Variants in ARHGAP19 observed in about 807,000 individuals in gnomAD.
ARHGAP19 encodes the protein Rho GTPase activating protein 19.
Under a neutral mutation model 60.9 loss-of-function variants are expected in ARHGAP19, and 48 were observed. The observed-to-expected ratio is 0.79, with a 90% confidence interval of 0.62 to 1.00. ARHGAP19 has a LOEUF of 1.00. Among genes scored for constraint, ARHGAP19 ranks in the 50% least tolerant of loss-of-function variants. ARHGAP19 has a pLI of 0.00. For missense variants in ARHGAP19, 562 were observed against 597.2 expected, an observed-to-expected ratio of 0.94 and a Z score of 0.61; for synonymous variants, 209 against 215.5, an observed-to-expected ratio of 0.97 and a Z score of 0.27.
At chr10:97,237,857 C>T (rs1203547557) in intron 8 of ARHGAP19, among the ~76,000 whole-genome samples, 3 of 151,340 alleles carry the variant, frequency 2.0e-5, no homozygotes, top group Admixed American at 6.6e-5. Flanking sequence ...GGCGAAAGAG[C>T]GAGACTCTAT....
chr10:97,242,045 A>T (rs1219977137), intron 8 of ARHGAP19, among the ~76,000 whole-genome samples: 3 of 148,784 alleles, frequency 2.0e-5, no homozygotes, highest in African/African-American at 4.9e-5. Context: ...AATAATTAAT[A>T]AATAAATAAA....
chr10:97,233,264 C>T (rs1292857236), intron 9 of ARHGAP19, among the ~76,000 whole-genome samples: 4 of 151,462 alleles, frequency 2.6e-5, no homozygotes, highest in Admixed American at 2.0e-4. Context: ...GTAGGAGGAT[C>T]GCTGAGCGCC....
At chr10:97,229,451 C>T (rs1291571126) in intron 10 of ARHGAP19, among the ~76,000 whole-genome samples, 1 of 152,068 alleles carries the variant, frequency 6.6e-6, no homozygotes, top group African/African-American at 2.4e-5. Context: ...GCCTAGGAGG[C>T]CTGGCTCAAA....
At chr10:97,270,797 C>G (rs793519) in intron 1 of ARHGAP19, 169,893 of 685,988 alleles carry the variant, frequency 0.25, 23,275 homozygotes, top group Non-Finnish European at 0.28. Context: ...TCTGAGCACT[C>G]ATCTGCAAGA....
chr10:97,238,944 T>C (rs1287988897), intron 8 of ARHGAP19, among the ~76,000 whole-genome samples: 7 of 152,220 alleles, frequency 4.6e-5, no homozygotes, highest in African/African-American at 7.2e-5. Context: ...TACTGTATTT[T>C]TACTGTACCT....
intron 1 of ARHGAP19, 112 bp from the exon 2 acceptor site, chr10:97,266,237 G>A: frequency 7.7e-7 from 1 of 1,295,976 alleles, no homozygotes; most frequent in South Asian, 1.4e-5. Context: ...TTTCCTTATA[G>A]TCAGCTTCCT....
intron 10 of ARHGAP19, 60 bp downstream of exon 10, chr10:97,229,704 T>C: frequency 1.6e-6 from 2 of 1,282,620 alleles, no homozygotes; most frequent in Non-Finnish European, 1.1e-6. Context: ...AGTATATCAA[T>C]TTTCCTCTTT....
intron 6 of ARHGAP19, among the ~76,000 whole-genome samples, chr10:97,252,728 T>G (rs1842702829): frequency 6.6e-6 from 1 of 152,168 alleles, no homozygotes; most frequent in South Asian, 2.1e-4. Context: ...GTATAGCCAT[T>G]ATGGAAAGCA....
At chr10:97,291,522 G>C (rs1314868191) in intron 1 of ARHGAP19, among the ~76,000 whole-genome samples, 1 of 152,120 alleles carries the variant, frequency 6.6e-6, no homozygotes, top group East Asian at 1.9e-4. Context: ...TCGAACTCCT[G>C]ATCTCAGGTG....
chr10:97,269,691 G>A (rs925318491), intron 1 of ARHGAP19, among the ~76,000 whole-genome samples: 7 of 150,692 alleles, frequency 4.6e-5, no homozygotes, highest in Admixed American at 2.0e-4. Context: ...GCACCAAAAA[G>A]AGTCTTATAA....
intron 1 of ARHGAP19, among the ~76,000 whole-genome samples, chr10:97,279,244 C>T (rs1177276928): frequency 6.6e-6 from 1 of 152,102 alleles, no homozygotes; most frequent in Non-Finnish European, 1.5e-5. Context: ...CTTTTTAATA[C>T]CAGAGACAGT....
In ARHGAP19 at chr10:97,265,935, C is replaced by G. The variant is rs1842892720; in HGVS notation, c.247G>C (p.Val83Leu). 11 of 1,614,042 alleles carry G rather than the reference C, an allele frequency of 6.8e-6. No homozygotes were observed. Among genetic ancestry groups the G allele is most frequent in the Non-Finnish European group, 9.3e-6 (11 of 1,180,046 alleles). ...GTELAQLMGEVDLKLPGGAGP... is the reference protein window; with the variant it reads ...GTELAQLMGELDLKLPGGAGP... ...GCCCCGCCAGGCAACTTAAGGTCCA[C>G]TTCCCCCATCAGCTGAGCCAACTCA... Residue 83 changes from valine to leucine, a missense_variant, in exon 2 of 12, where the codon GTG becomes CTG. Physicochemically the swap from Val to Leu is conservative, Grantham distance 32. Coordinates refer to ENST00000358531, the MANE Select transcript of ARHGAP19 (RefSeq NM_032900.6).
chr10:97,285,740 G>A (rs913646665), intron 1 of ARHGAP19, among the ~76,000 whole-genome samples: 3 of 151,672 alleles, frequency 2.0e-5, no homozygotes. Context: ...GGCTAGTCTC[G>A]AACTCCTGAC....
intron 8 of ARHGAP19, among the ~76,000 whole-genome samples, chr10:97,242,540 T>G (rs927384696): frequency 6.6e-6 from 1 of 151,818 alleles, no homozygotes; most frequent in African/African-American, 2.4e-5. Context: ...GAGACGGAGT[T>G]TCACTCTTGT....
intron 1 of ARHGAP19, among the ~76,000 whole-genome samples, chr10:97,281,118 C>T (rs1843079491): frequency 6.6e-6 from 1 of 150,650 alleles, no homozygotes; most frequent in Non-Finnish European, 1.5e-5. Context: ...CACAGCGGCT[C>T]ATGTCTATAA....
chr10:97,233,353 AAAATAAAT>A (rs34652151), intron 9 of ARHGAP19, among the ~76,000 whole-genome samples: 1 of 150,220 alleles, frequency 6.7e-6, no homozygotes, highest in Non-Finnish European at 1.5e-5. Context: ...CCCTGTCTCA[AAAATAAAT>A]AAATAAATAA....
At chr10:97,286,560 C>G (rs1203252434) in intron 1 of ARHGAP19, among the ~76,000 whole-genome samples, 1 of 152,216 alleles carries the variant, frequency 6.6e-6, no homozygotes, top group Non-Finnish European at 1.5e-5. Flanking sequence ...CCACTGCACT[C>G]CAGCCTGTGC....
rs944025088 is a variant in ARHGAP19 at position 97,223,159 on chromosome 10, G to C, written c.*2963C>G. On this transcript the variant is annotated 3_prime_UTR_variant, in exon 12 of 12. Transcript: ENST00000358531. Reference sequence around the variant, plus strand: ...GCCCTCCACTAGCCCATTTCCCAAGGGTGTTCCCTTGTCCTTCCTGAATGA... The same window carrying C: ...GCCCTCCACTAGCCCATTTCCCAAGCGTGTTCCCTTGTCCTTCCTGAATGA... 4 of 152,136 alleles carry C rather than the reference G, an allele frequency of 2.6e-5. No individual in the cohort carries two copies. The highest frequency in any genetic ancestry group is 9.7e-5 in the African/African-American group (4 of 41,408). The allele number at this position is 152,136 out of a possible 1,614,324, so 9.4% of individuals were successfully genotyped here.
intron 1 of ARHGAP19, among the ~76,000 whole-genome samples, chr10:97,278,950 A>AT (rs1843051246): frequency 6.6e-6 from 1 of 152,216 alleles, no homozygotes; most frequent in African/African-American, 2.4e-5. Flanking sequence ...CCTTGGCAAG[A>AT]TTTATCAAAA....
Sources: gnomAD v4.1 joint callset for allele counts (sites outside exome capture counted in the v4.1 genomes callset) on GRCh38, gnomAD v4.1.1 for gene constraint, MANE v1.5 for transcripts, NCBI Gene and HGNC (gene_info 2026-07-23, HGNC 2026-07-21) for gene names.